The following ZSCAN5A variants were observed in gnomAD, a reference collection of about 807,000 sequenced individuals.
ZSCAN5A encodes the protein zinc finger and SCAN domain-containing protein 5A.
A neutral mutation model predicts 23.7 loss-of-function variants in ZSCAN5A; 12 were observed. The observed-to-expected ratio is 0.51, with a 90% CI of 0.32 to 0.82. The LOEUF (loss-of-function observed/expected upper bound fraction) is 0.82, where lower values mean the gene tolerates loss of function less well. Ranked by LOEUF, ZSCAN5A falls within the 40% of genes least tolerant of loss-of-function variation. The probability of loss-of-function intolerance (pLI) is 0.03; values close to 1 mark genes in which losing one functional copy is unlikely to be tolerated. For synonymous variants in ZSCAN5A, 257 were observed against 239.9 expected (o/e 1.07, Z -0.66); for missense variants, 597 against 617.9 (o/e 0.97, Z 0.36).
chr19:56,259,084 G>A (rs1223025018), intron 2 of ZSCAN5A, among the ~76,000 whole-genome samples: 8 of 152,130 alleles, frequency 5.3e-5, no homozygotes, highest in Non-Finnish European at 1.0e-4. Context: ...GCCCACCACC[G>A]ATTTCCTGAC....
At chr19:56,364,264 AC>A (rs113590195) in intron 1 of ZSCAN5A, among the ~76,000 whole-genome samples, 98 of 152,330 alleles carry the variant, frequency 6.4e-4, no homozygotes, top group African/African-American at 1.9e-3. Context: ...GACTTTTTGA[AC>A]CAAGCAATGT....
intron 2 of ZSCAN5A, among the ~76,000 whole-genome samples, chr19:56,337,523 G>A (rs2041551291): frequency 6.6e-6 from 1 of 152,224 alleles, no homozygotes; most frequent in Non-Finnish European, 1.5e-5. Context: ...CTGACCCCTT[G>A]TGCTTCCCAG....
At chr19:56,271,172 A>G (rs967154084) in intron 2 of ZSCAN5A, among the ~76,000 whole-genome samples, 1 of 152,150 alleles carries the variant, frequency 6.6e-6, no homozygotes, top group Non-Finnish European at 1.5e-5. Context: ...AAATCCAAAT[A>G]TGCTCCCCCA....
intron 2 of ZSCAN5A, among the ~76,000 whole-genome samples, chr19:56,349,728 AAAAGT>A (rs1231292867): frequency 6.7e-6 from 1 of 149,960 alleles, no homozygotes; most frequent in Non-Finnish European, 1.5e-5. Flanking sequence ...AAAAAAAAAA[AAAAGT>A]AGAAGATCTT....
At chr19:56,297,451 C>G in intron 2 of ZSCAN5A, 1 of 803,182 alleles carries the variant, frequency 1.2e-6, no homozygotes, top group Non-Finnish European at 1.5e-6. Context: ...TTCTTCCTTT[C>G]CTCTTCCTCC....
intron 2 of ZSCAN5A, among the ~76,000 whole-genome samples, chr19:56,240,136 TG>T (rs1305351955): frequency 6.6e-6 from 1 of 150,506 alleles, no homozygotes; most frequent in Non-Finnish European, 1.5e-5. Flanking sequence ...AACTCTAGCC[TG>T]GGGGACAGTG....
intron 2 of ZSCAN5A, among the ~76,000 whole-genome samples, chr19:56,240,390 G>A (rs1459696963): frequency 1.3e-5 from 2 of 152,130 alleles, no homozygotes; most frequent in Non-Finnish European, 2.9e-5. Context: ...GGATTACGTG[G>A]CCCTAAACCA....
At chr19:56,310,837 C>G (rs1049443589) in intron 2 of ZSCAN5A, among the ~76,000 whole-genome samples, 1 of 152,096 alleles carries the variant, frequency 6.6e-6, no homozygotes, top group Non-Finnish European at 1.5e-5. Context: ...TTCTTGGGTT[C>G]GAATCCCAGC....
chr19:56,235,085 AACCTCT>A, intron 2 of ZSCAN5A, among the ~76,000 whole-genome samples: 3 of 132,456 alleles, frequency 2.3e-5, no homozygotes, highest in Admixed American at 1.5e-4. Flanking sequence ...CCTCCACTCC[AACCTCT>A]GATGGACGGT....
At chr19:56,301,546 G>T (rs1004681428) in intron 2 of ZSCAN5A, among the ~76,000 whole-genome samples, 1 of 152,138 alleles carries the variant, frequency 6.6e-6, no homozygotes, top group Non-Finnish European at 1.5e-5. Flanking sequence ...GGGTCTTTGC[G>T]ACTTGTATCT....
chr19:56,320,817 T>C, intron 2 of ZSCAN5A: 1 of 790,696 alleles, frequency 1.3e-6, no homozygotes, highest in Non-Finnish European at 2.3e-6. Context: ...TCACCATAGG[T>C]GGCAGCAAGA....
At chr19:56,281,350 C>T (rs1461280372) in intron 2 of ZSCAN5A, among the ~76,000 whole-genome samples, 4 of 29,184 alleles carry the variant, frequency 1.4e-4, no homozygotes, top group Non-Finnish European at 2.7e-4. Context: ...CAAGGGTCAA[C>T]GGTGTGTGTA....
intron 2 of ZSCAN5A, among the ~76,000 whole-genome samples, chr19:56,356,377 T>C (rs571411395): frequency 6.7e-6 from 1 of 148,482 alleles, no homozygotes; most frequent in Non-Finnish European, 1.5e-5. Context: ...CTTACATCCT[T>C]GGGAATACAT....
intron 2 of ZSCAN5A, among the ~76,000 whole-genome samples, chr19:56,322,937 C>G (rs2041392877): frequency 6.8e-6 from 1 of 147,772 alleles, no homozygotes; most frequent in Non-Finnish European, 1.5e-5. Flanking sequence ...CTCTGTCGCC[C>G]AGGCTGGAGT....
intron 2 of ZSCAN5A, among the ~76,000 whole-genome samples, chr19:56,308,452 T>C (rs2040840033): frequency 6.6e-6 from 1 of 152,040 alleles, no homozygotes; most frequent in Non-Finnish European, 1.5e-5. Flanking sequence ...GACTCCCAAG[T>C]AGCTGGGATT....
chr19:56,270,897 G>A (rs953801467), intron 2 of ZSCAN5A, among the ~76,000 whole-genome samples: 1 of 152,176 alleles, frequency 6.6e-6, no homozygotes, highest in African/African-American at 2.4e-5. Context: ...TGCCAATGGT[G>A]AGAAATCCTG....
chr19:56,287,936 G>T (rs149212348), intron 2 of ZSCAN5A, among the ~76,000 whole-genome samples: 1 of 152,224 alleles, frequency 6.6e-6, no homozygotes, highest in Admixed American at 6.5e-5. Flanking sequence ...TCCAGTGTTA[G>T]CTCTGAAACT....
At chr19:56,296,950 T>G (rs1245527807) in intron 2 of ZSCAN5A, among the ~76,000 whole-genome samples, 3 of 152,144 alleles carry the variant, frequency 2.0e-5, no homozygotes, top group Admixed American at 6.5e-5. Context: ...GCACCTGTAA[T>G]CCTAGCTACT....
Position 56,225,178 on chromosome 19 carries a change from G to T in ZSCAN5A, c.-127-5C>A, listed in dbSNP as rs1255356312. On this transcript the variant is annotated splice_region_variant and splice_polypyrimidine_tract_variant and intron_variant, in intron 2 of 5. Transcript: ENST00000683990. ...ATTCACTGTTCATTCAGAAGTCTGG[G>T]GGGGAAAAGTATGAGCCTCATTAGT... 2.2e-6 allele frequency: 3 copies of T among 1,375,684 alleles called. No homozygotes were observed. The highest frequency in any genetic ancestry group is 1.9e-5 in the African/African-American group (1 of 51,910). The allele number at this position is 1,375,684 out of a possible 1,614,324, so 85.2% of individuals were successfully genotyped here.
Sources: allele counts gnomAD v4.1 joint callset (sites outside exome capture counted in the v4.1 genomes callset), GRCh38; gene constraint gnomAD v4.1.1; transcripts MANE v1.5; gene names NCBI Gene and HGNC (gene_info 2026-07-23, HGNC 2026-07-21).